The following RGS21 variants were observed in gnomAD, a reference collection of about 807,000 sequenced individuals.
RGS21 encodes regulator of G-protein signalling 21.
RGS21 carries 19 observed loss-of-function variants against 18.7 expected under a neutral mutation model. The observed-to-expected ratio is 1.01, with a 90% CI of 0.71 to 1.49. RGS21 has a LOEUF of 1.49. RGS21 is among the 40% of genes most tolerant of loss of function. The pLI, the probability that RGS21 is intolerant of heterozygous loss-of-function variation, is 0.00. For missense variants in RGS21, 194 were observed against 176.8 expected (o/e 1.10, Z -0.55); for synonymous variants, 56 against 57.8 (o/e 0.97, Z 0.14).
chr1:192,349,679 T>C (rs1005024444), intron 3 of RGS21, among the ~76,000 whole-genome samples: 1 of 152,164 alleles, frequency 6.6e-6, no homozygotes, highest in Non-Finnish European at 1.5e-5. Context: ...TATAGATAAG[T>C]AGCCCCAGGT....
At chr1:192,358,163 A>G (rs1342565573) in intron 4 of RGS21, among the ~76,000 whole-genome samples, 1 of 152,000 alleles carries the variant, frequency 6.6e-6, no homozygotes, top group Non-Finnish European at 1.5e-5. Flanking sequence ...TCGGAGAAGC[A>G]TCTGGTTTCT....
At chr1:192,338,605 C>T (rs1214518764) in intron 1 of RGS21, among the ~76,000 whole-genome samples, 1 of 152,054 alleles carries the variant, frequency 6.6e-6, no homozygotes, top group Non-Finnish European at 1.5e-5. Context: ...TTCTCCTTAA[C>T]CTCTCTTTGT....
At chr1:192,325,454 T>A (rs572663118) in intron 1 of RGS21, among the ~76,000 whole-genome samples, 10 of 152,180 alleles carry the variant, frequency 6.6e-5, no homozygotes, top group Admixed American at 6.6e-4. Context: ...AATATATATA[T>A]TCCTTTGGGT....
intron 1 of RGS21, among the ~76,000 whole-genome samples, chr1:192,336,211 T>C (rs1463381215): frequency 3.3e-4 from 50 of 152,120 alleles, no homozygotes; most frequent in Admixed American, 3.3e-3. Flanking sequence ...TCCCAGCTCT[T>C]TGAGAGACCG....
intron 1 of RGS21, among the ~76,000 whole-genome samples, chr1:192,339,513 T>C (rs138483445): frequency 0.011 from 1,601 of 152,128 alleles, 21 homozygotes; most frequent in Non-Finnish European, 0.017. Context: ...TTGATTTTCC[T>C]AACCCTGTTT....
chr1:192,354,994 A>T (rs1396895360), intron 4 of RGS21, among the ~76,000 whole-genome samples: 1 of 151,686 alleles, frequency 6.6e-6, no homozygotes. Context: ...TTGAACTTTC[A>T]GGTCTCTATG....
intron 1 of RGS21, among the ~76,000 whole-genome samples, chr1:192,320,992 AATATTACCATGAC>A (rs1305646216): frequency 6.6e-6 from 1 of 152,006 alleles, no homozygotes; most frequent in Admixed American, 6.6e-5. Context: ...TATAACAGGT[AATATTACCATGAC>A]TCTATATTTT....
chr1:192,360,846 A>G (rs1371465708), intron 4 of RGS21, among the ~76,000 whole-genome samples: 1 of 151,896 alleles, frequency 6.6e-6, no homozygotes, highest in Admixed American at 6.6e-5. Flanking sequence ...TTAAAATTTC[A>G]TTTCCTTCAG....
chr1:192,365,490 T>C (rs1159966801), intron 4 of RGS21, among the ~76,000 whole-genome samples: 1 of 152,080 alleles, frequency 6.6e-6, no homozygotes, highest in Non-Finnish European at 1.5e-5. Context: ...AGCAGTGTTG[T>C]GAGGAACAAA....
intron 1 of RGS21, among the ~76,000 whole-genome samples, chr1:192,325,246 A>T (rs1658553894): frequency 6.6e-6 from 1 of 152,052 alleles, no homozygotes; most frequent in Non-Finnish European, 1.5e-5. Flanking sequence ...TCTCTGAATT[A>T]ATTTGCTTAT....
At chr1:192,350,695 A>C (rs190337973) in intron 3 of RGS21, among the ~76,000 whole-genome samples, 14 of 152,268 alleles carry the variant, frequency 9.2e-5, no homozygotes, top group African/African-American at 3.1e-4. Context: ...AAAGGGTGCA[A>C]ACTGTGACAC....
intron 3 of RGS21, among the ~76,000 whole-genome samples, chr1:192,351,417 G>C (rs1279817339): frequency 6.6e-6 from 1 of 151,918 alleles, no homozygotes; most frequent in Non-Finnish European, 1.5e-5. Context: ...TTTAGCATCA[G>C]ACTTTGTTTC....
chr1:192,359,302 C>T (rs1659151113), intron 4 of RGS21, among the ~76,000 whole-genome samples: 1 of 151,896 alleles, frequency 6.6e-6, no homozygotes, highest in Non-Finnish European at 1.5e-5. Context: ...TAATGTTCAG[C>T]CCACACTCTG....
At chr1:192,334,565 G>T (rs1365358291) in intron 1 of RGS21, among the ~76,000 whole-genome samples, 2 of 152,014 alleles carry the variant, frequency 1.3e-5, no homozygotes, top group Non-Finnish European at 1.5e-5. Context: ...TAAAAAAGAG[G>T]CCTCTGAATT....
chr1:192,356,602 T>C (rs1659115590), intron 4 of RGS21, among the ~76,000 whole-genome samples: 1 of 151,814 alleles, frequency 6.6e-6, no homozygotes, highest in South Asian at 2.1e-4. Flanking sequence ...AAGACCTTCA[T>C]TATAAATAAG....
At chr1:192,329,001 G>C (rs1658608703) in intron 1 of RGS21, among the ~76,000 whole-genome samples, 1 of 151,912 alleles carries the variant, frequency 6.6e-6, no homozygotes, top group Admixed American at 6.6e-5. Context: ...ATTTCTCATA[G>C]ATCAACTTTA....
At chr1:192,317,553 C>T (rs1658438388) in intron 1 of RGS21, among the ~76,000 whole-genome samples, 1 of 151,702 alleles carries the variant, frequency 6.6e-6, no homozygotes, top group Admixed American at 6.6e-5. Context: ...TGGCCAATTA[C>T]CATACCTGAA....
chr1:192,366,583 T>C lies in RGS21; in HGVS notation c.*459T>C, dbSNP rs914353819. 13 of 152,718 alleles carry C rather than the reference T, an allele frequency of 8.5e-5. No homozygotes were observed. The highest frequency in any genetic ancestry group is 7.9e-4 in the Admixed American group (12 of 15,252). 9.5% of individuals were successfully genotyped at this position (152,718 alleles called of 1,614,324 possible). On this transcript the variant is annotated 3_prime_UTR_variant, in exon 5 of 5. Transcript: ENST00000417209. ...AACTGTTTTTTTTCTGCCATTTCTT[T>C]CCAACTATTTCTAATAATGTGGTTA...
At chr1:192,354,061 T>C (rs1228568627) in intron 4 of RGS21, among the ~76,000 whole-genome samples, 6 of 151,712 alleles carry the variant, frequency 4.0e-5, no homozygotes, top group African/African-American at 1.5e-4. Context: ...AGTTTGCTTG[T>C]TATATATTAC....
Sources: allele counts gnomAD v4.1 joint callset (sites outside exome capture counted in the v4.1 genomes callset), GRCh38; gene constraint gnomAD v4.1.1; transcripts MANE v1.5; gene names NCBI Gene and HGNC (gene_info 2026-07-23, HGNC 2026-07-21).